TAFA2: variants seen among roughly 807,000 people sequenced by gnomAD.
TAFA2 encodes the protein TAFA chemokine like family member 2, also known as chemokine-like protein TAFA-2.
In TAFA2, 7 loss-of-function variants were observed where a neutral mutation model predicts 18.8. The observed-to-expected ratio is 0.37, with a 90% CI of 0.21 to 0.70. The LOEUF (loss-of-function observed/expected upper bound fraction) is 0.70, where lower values mean the gene tolerates loss of function less well. Ranked by LOEUF, TAFA2 falls within the 30% of genes least tolerant of loss-of-function variation. The pLI is 0.53. For missense variants in TAFA2, 122 were observed against 158.1 expected (o/e 0.77, Z 1.23); for synonymous variants, 60 against 54.2 (o/e 1.11, Z -0.47).
chr12:61,962,751 AT>A (rs1205232821), intron 1 of TAFA2, among the ~76,000 whole-genome samples: 1 of 151,750 alleles, frequency 6.6e-6, no homozygotes, highest in Non-Finnish European at 1.5e-5. Context: ...TCTGTATTAA[AT>A]TTTTTTTATT....
At chr12:62,255,380 T>C (rs977741629) in intron 1 of TAFA2, 2 of 152,208 alleles carry the variant, frequency 1.3e-5, no homozygotes, top group Non-Finnish European at 1.5e-5. Context: ...TGAACCTTGA[T>C]TTTATCTATA....
chr12:62,004,436 A>G (rs889099783), intron 1 of TAFA2, among the ~76,000 whole-genome samples: 1 of 152,184 alleles, frequency 6.6e-6, no homozygotes, highest in Non-Finnish European at 1.5e-5. Flanking sequence ...ATTACTAGGC[A>G]ATGGCTAGAA....
intron 2 of TAFA2, among the ~76,000 whole-genome samples, chr12:61,790,308 C>T (rs565465777): frequency 1.4e-4 from 22 of 151,926 alleles, no homozygotes; most frequent in Admixed American, 2.6e-4. Context: ...ACATCTGGAA[C>T]GAGAGAAGTG....
chr12:61,835,723 A>C (rs1467047800), intron 2 of TAFA2, among the ~76,000 whole-genome samples: 1 of 152,004 alleles, frequency 6.6e-6, no homozygotes, highest in Non-Finnish European at 1.5e-5. Flanking sequence ...GATCTTGGAC[A>C]TACATAGGTC....
chr12:62,044,321 T>C (rs1444258465), intron 1 of TAFA2, among the ~76,000 whole-genome samples: 1 of 152,086 alleles, frequency 6.6e-6, no homozygotes, highest in Non-Finnish European at 1.5e-5. Flanking sequence ...ACCATATTTA[T>C]ACTACTTAGA....
intron 1 of TAFA2, among the ~76,000 whole-genome samples, chr12:62,103,478 C>T (rs1468663431): frequency 6.6e-6 from 1 of 152,136 alleles, no homozygotes; most frequent in Non-Finnish European, 1.5e-5. Flanking sequence ...TGGTGGCTCA[C>T]ACCTGTAATC....
chr12:62,098,101 G>C (rs955649020), intron 1 of TAFA2, among the ~76,000 whole-genome samples: 1 of 152,080 alleles, frequency 6.6e-6, no homozygotes, highest in Non-Finnish European at 1.5e-5. Flanking sequence ...AGTGATAAAT[G>C]GTGTTGCCTT....
chr12:61,736,683 G>A (rs535492904), intron 4 of TAFA2, among the ~76,000 whole-genome samples: 1 of 151,986 alleles, frequency 6.6e-6, no homozygotes, highest in South Asian at 2.1e-4. Context: ...GTTTATCCTG[G>A]AAATATGTCC....
At chr12:62,027,508 G>A (rs992615378) in intron 1 of TAFA2, among the ~76,000 whole-genome samples, 1 of 152,114 alleles carries the variant, frequency 6.6e-6, no homozygotes, top group African/African-American at 2.4e-5. Flanking sequence ...TGCTAATGTT[G>A]TGATTGATAA....
At chr12:61,957,734 G>A (rs1878747543) in intron 1 of TAFA2, among the ~76,000 whole-genome samples, 1 of 152,070 alleles carries the variant, frequency 6.6e-6, no homozygotes, top group Non-Finnish European at 1.5e-5. Flanking sequence ...TCCTCTGCAG[G>A]TGAGTGCAGC....
intron 1 of TAFA2, among the ~76,000 whole-genome samples, chr12:62,200,691 C>T (rs537597396): frequency 2.6e-5 from 4 of 152,252 alleles, no homozygotes; most frequent in Admixed American, 2.0e-4. Context: ...TAGTGTGATG[C>T]CTCCAGCTTT....
At chr12:61,723,503 C>A (rs934840497) in intron 4 of TAFA2, among the ~76,000 whole-genome samples, 2 of 152,038 alleles carry the variant, frequency 1.3e-5, no homozygotes, top group Non-Finnish European at 2.9e-5. Context: ...GATTAGGTGA[C>A]CCAAAGGGTC....
intron 1 of TAFA2, among the ~76,000 whole-genome samples, chr12:61,927,546 T>C (rs1877356574): frequency 1.3e-5 from 2 of 152,198 alleles, no homozygotes; most frequent in African/African-American, 2.4e-5. Flanking sequence ...TCCATGCTCA[T>C]GGATAGGAAG....
chr12:61,724,767 GT>G (rs1870065802), intron 4 of TAFA2, among the ~76,000 whole-genome samples: 1 of 114,614 alleles, frequency 8.7e-6, no homozygotes, highest in African/African-American at 5.2e-5. Context: ...GTGTGTGTGT[GT>G]GTGTGTGTGT....
intron 1 of TAFA2, among the ~76,000 whole-genome samples, chr12:62,121,692 T>C (rs115333729): frequency 0.02 from 3,062 of 152,302 alleles, 100 homozygotes; most frequent in African/African-American, 0.067. Context: ...ATTATCTAAA[T>C]CATGCCTCTA....
rs147756916 is a variant in TAFA2 at position 61,769,601 on chromosome 12, C to T, written c.107-14577G>A. ...CACCCCCCAGTACTTGCCTGGAGCC[C>T]AGTAGCTCCAATGGGTGGCTAGACC... On this transcript the variant is annotated intron_variant, in intron 2 of 4. Transcript: ENST00000416284. 5.8e-3 allele frequency among the ~76,000 whole-genome samples: 878 copies of T among 152,098 alleles called. 9 individuals carry two copies. The highest frequency in any genetic ancestry group is 0.02 in the African/African-American group (823 of 41,530).
intron 1 of TAFA2, among the ~76,000 whole-genome samples, chr12:61,907,413 G>A (rs1876406172): frequency 2.0e-5 from 3 of 152,210 alleles, no homozygotes; most frequent in Admixed American, 6.5e-5. Context: ...CCCAAGTCTT[G>A]GCAGCTTACA....
chr12:62,040,920 C>A (rs1010818648), intron 1 of TAFA2, among the ~76,000 whole-genome samples: 1 of 152,102 alleles, frequency 6.6e-6, no homozygotes, highest in Non-Finnish European at 1.5e-5. Context: ...GTCAAAAGAA[C>A]AACTTCAACA....
intron 2 of TAFA2, among the ~76,000 whole-genome samples, chr12:61,799,302 G>A (rs1469126424): frequency 1.3e-5 from 2 of 152,102 alleles, no homozygotes; most frequent in Admixed American, 6.5e-5. Flanking sequence ...CTTTTGAGAA[G>A]AAGTCACACT....
Sources: allele counts gnomAD v4.1 joint callset (sites outside exome capture counted in the v4.1 genomes callset), GRCh38; gene constraint gnomAD v4.1.1; transcripts MANE v1.5; gene names NCBI Gene and HGNC (gene_info 2026-07-23, HGNC 2026-07-21).